DPP6: variants seen among roughly 807,000 people sequenced by gnomAD.
DPP6 encodes the protein dipeptidyl peptidase like 6.
Under a neutral mutation model 122.6 loss-of-function variants are expected in DPP6, and 69 were observed. The ratio of observed to expected loss-of-function variants is 0.56; its 90% confidence interval spans 0.46 to 0.69. DPP6 has a LOEUF of 0.69. Ranked by LOEUF, DPP6 falls within the 30% of genes least tolerant of loss-of-function variation. The pLI is 0.00. For missense variants in DPP6, 928 were observed against 1,116.9 expected (o/e 0.83, Z 2.41); for synonymous variants, 418 against 433.1 (o/e 0.97, Z 0.43).
At chr7:153,771,483 GCATGTGC>G in the DPP6 span, among the ~76,000 whole-genome samples, 1 of 152,148 alleles carries the variant, frequency 6.6e-6, no homozygotes, top group Admixed American at 6.5e-5. Context: ...GGTATTACAG[GCATGTGC>G]CACCACGCCT....
intron 1 of DPP6, among the ~76,000 whole-genome samples, chr7:154,000,219 G>C (rs2901960): frequency 6.6e-6 from 1 of 152,220 alleles, no homozygotes; most frequent in Non-Finnish European, 1.5e-5. Flanking sequence ...CAAATGCACA[G>C]TATTTTGACA....
At chr7:153,841,709 T>C in the DPP6 span, among the ~76,000 whole-genome samples, 1 of 152,168 alleles carries the variant, frequency 6.6e-6, no homozygotes, top group African/African-American at 2.4e-5. Context: ...AAAAAAGAAG[T>C]GTTCTAAGCA....
rs985031491 is a variant in DPP6, at chr7:154,821,207, A to G, written c.1666+14095A>G. ...TGTGTTGGCTGCTAGAGAGCTTAGC[A>G]TGAAATGTGTGGCATATGTGGGTAG... On this transcript the variant is annotated intron_variant, in intron 16 of 25. Transcript: ENST00000377770. The surrounding 1 kb of genome is among the most constrained non-coding windows in gnomAD (Gnocchi z 4.2). Among the ~76,000 whole-genome samples the G allele has an allele frequency of 3.9e-5, 6 of 152,244 alleles. No individual in the cohort carries two copies. Among genetic ancestry groups the G allele is most frequent in the East Asian group, 3.8e-4 (2 of 5,200 alleles).
At chr7:154,361,317 A>G (rs748407120) in intron 1 of DPP6, among the ~76,000 whole-genome samples, 2 of 152,176 alleles carry the variant, frequency 1.3e-5, no homozygotes, top group African/African-American at 4.8e-5. Context: ...AATAAAGTGT[A>G]TTTGTTCCTC....
At chr7:154,536,549 A>G (rs1033347619) in intron 3 of DPP6, among the ~76,000 whole-genome samples, 12 of 152,156 alleles carry the variant, frequency 7.9e-5, no homozygotes, top group Non-Finnish European at 1.5e-4. Context: ...TCCCAGGAGA[A>G]TTCTTTACTA....
intron 5 of DPP6, among the ~76,000 whole-genome samples, chr7:154,584,683 A>G (rs915791967): frequency 4.6e-5 from 7 of 152,224 alleles, no homozygotes; most frequent in South Asian, 4.1e-4. Flanking sequence ...TAAGCTGTGC[A>G]TGTAAGAGGT....
chr7:153,853,882 G>A, the DPP6 span, among the ~76,000 whole-genome samples: 1 of 150,818 alleles, frequency 6.6e-6, no homozygotes, highest in East Asian at 1.9e-4. Flanking sequence ...GGCTTTTGTT[G>A]CCATTGCTTT....
chr7:154,285,623 C>T (rs1474988448), intron 1 of DPP6, among the ~76,000 whole-genome samples: 2 of 152,148 alleles, frequency 1.3e-5, no homozygotes, highest in Non-Finnish European at 2.9e-5. Flanking sequence ...ATAGTAACTT[C>T]CTGTGAGGAA....
intron 1 of DPP6, among the ~76,000 whole-genome samples, chr7:154,341,449 T>G (rs1809924089): frequency 6.6e-6 from 1 of 151,996 alleles, no homozygotes. Context: ...TCATACTCTG[T>G]AGTCGCAGAT....
At chr7:153,861,873 A>G in the DPP6 span, among the ~76,000 whole-genome samples, 17 of 152,368 alleles carry the variant, frequency 1.1e-4, 1 homozygote, top group Admixed American at 9.8e-4. Flanking sequence ...ACGGCAATTT[A>G]GTGGTAGCAA....
intron 4 of DPP6, among the ~76,000 whole-genome samples, chr7:154,546,684 ATC>A (rs1252268545): frequency 6.6e-6 from 1 of 152,120 alleles, no homozygotes; most frequent in Non-Finnish European, 1.5e-5. Flanking sequence ...TTGAATTTTT[ATC>A]TCTGTCTCTA....
chr7:154,752,413 T>C (rs778286854), intron 8 of DPP6, among the ~76,000 whole-genome samples: 2 of 152,092 alleles, frequency 1.3e-5, no homozygotes, highest in African/African-American at 2.4e-5. Context: ...AGTTTCAAGA[T>C]AGAGTTGGTT....
rs560013012 is a variant in DPP6, at chr7:154,764,035, C to T, written c.884-5382C>T. Among the ~76,000 whole-genome samples the T allele has an allele frequency of 1.5e-3, 230 of 152,230 alleles. 1 individual carries two copies. The highest frequency in any genetic ancestry group is 4.4e-3 in the Admixed American group (68 of 15,296). On this transcript the variant is annotated intron_variant, in intron 8 of 25. Transcript: ENST00000377770. ...CTGCACCACACCTGAGCTCTGTGGG[C>T]GCTCTTCACCTCTATGCCCTGGGCA...
rs570409490 is a variant in DPP6 at position 154,204,093 on chromosome 7, A to T, written c.243+151030A>T. On this transcript the variant is annotated intron_variant, in intron 1 of 25. Transcript: ENST00000377770. Reference sequence around the variant, plus strand: ...CAGTTGCTTCCTCTTACGTGCATTTACCTGCCTGGTCATCCTGCAGGGCAG... The same window carrying T: ...CAGTTGCTTCCTCTTACGTGCATTTTCCTGCCTGGTCATCCTGCAGGGCAG... Among the ~76,000 whole-genome samples, 7 of 152,278 alleles carry T rather than the reference A, an allele frequency of 4.6e-5. No homozygotes were observed. The South Asian group carries it at 1.5e-3, about 32-fold the overall frequency.
At chr7:153,774,550 G>A in the DPP6 span, among the ~76,000 whole-genome samples, 1 of 152,120 alleles carries the variant, frequency 6.6e-6, no homozygotes, top group Admixed American at 6.6e-5. Flanking sequence ...TGGGTAATTT[G>A]GAAGCTTGCC....
At chr7:153,831,954 A>G in the DPP6 span, among the ~76,000 whole-genome samples, 6 of 152,236 alleles carry the variant, frequency 3.9e-5, no homozygotes, top group Admixed American at 2.0e-4. Context: ...ATGATTTCAT[A>G]AAGTTCCCTC....
intron 5 of DPP6, among the ~76,000 whole-genome samples, chr7:154,582,039 G>T (rs1832107586): frequency 6.6e-6 from 1 of 152,178 alleles, no homozygotes; most frequent in Admixed American, 6.5e-5. Context: ...CTCAAGGGCA[G>T]CTGCCCTCTC....
Position 154,052,485 on chromosome 7 carries a change from A to C in DPP6, c.-336A>C, listed in dbSNP as rs1585234261. On this transcript the variant is annotated 5_prime_UTR_variant, in exon 1 of 26. Coordinates refer to ENST00000377770, the MANE Select transcript of DPP6 (RefSeq NM_130797.4). The surrounding 1 kb of genome is among the most constrained non-coding windows in gnomAD (Gnocchi z 4.8). ...TGTTTTTGGTTTTTTTTCTTCCTTC[A>C]ATCTCTTTGATTAGGCCGTACGTGG... 2 of 381,730 alleles carry C rather than the reference A, an allele frequency of 5.2e-6. No homozygotes were observed. The highest frequency in any genetic ancestry group is 2.8e-4 in the East Asian group (2 of 7,192). The allele number at this position is 381,730 out of a possible 1,614,324, so 23.6% of individuals were successfully genotyped here.
At position 154,752,700 on chromosome 7, in the gene DPP6, A is replaced by T. The variant is rs185951111; in HGVS notation, c.884-16717A>T. On this transcript the variant is annotated intron_variant, in intron 8 of 25. Transcript: ENST00000377770. ...TCCACCGCAGGAGGCTGTAGCTCTG[A>T]CGTGCCCAAGAGGAAAGCCCTGACC... is the stretch of plus-strand genomic sequence containing the variant. Among the ~76,000 whole-genome samples the T allele has an allele frequency of 2.7e-3, 412 of 152,276 alleles. 1 individual carries two copies. The highest frequency in any genetic ancestry group is 4.1e-3 in the Non-Finnish European group (279 of 68,022).
Sources: gnomAD v4.1 joint callset for allele counts (sites outside exome capture counted in the v4.1 genomes callset) on GRCh38, gnomAD v4.1.1 for gene constraint, Gnocchi (gnomAD v3.1) non-coding constraint, MANE v1.5 for transcripts, NCBI Gene and HGNC (gene_info 2026-07-23, HGNC 2026-07-21) for gene names.